C11orf54: variants seen among roughly 807,000 people sequenced by gnomAD.
C11orf54 encodes the protein beta-keto-L-gulonate decarboxylase, also known as beta-keto L-gulonate decarboxylase.
Under a neutral mutation model 35.5 loss-of-function variants are expected in C11orf54, and 29 were observed. The ratio of observed to expected loss-of-function variants is 0.82; its 90% CI spans 0.61 to 1.11. The LOEUF (loss-of-function observed/expected upper bound fraction) is 1.11, where lower values mean the gene tolerates loss of function less well. C11orf54 is among the 50% of genes most tolerant of loss of function. The probability of loss-of-function intolerance (pLI) is 0.00; values close to 1 mark genes in which losing one functional copy is unlikely to be tolerated. For missense variants in C11orf54, 373 were observed against 369.2 expected (o/e 1.01, Z -0.08); for synonymous variants, 108 against 121.1 (o/e 0.89, Z 0.71).
At chr11:93,753,215 G>T (rs1419512974) in intron 3 of C11orf54, among the ~76,000 whole-genome samples, 1 of 152,056 alleles carries the variant, frequency 6.6e-6, no homozygotes. Context: ...GACTTCAGGT[G>T]ATCCACCCGC....
chr11:93,749,779 C>T (rs76541689), intron 2 of C11orf54, among the ~76,000 whole-genome samples: 33 of 152,234 alleles, frequency 2.2e-4, no homozygotes, highest in South Asian at 6.2e-4. Context: ...CTTGAGTGTA[C>T]AGCTTGATGA....
At chr11:93,746,014 A>C (rs1942450038) in intron 1 of C11orf54, 1 of 152,228 alleles carries the variant, frequency 6.6e-6, no homozygotes, top group Non-Finnish European at 1.5e-5. Context: ...ACAGTTATAT[A>C]TATTTGGGAG....
intron 3 of C11orf54, among the ~76,000 whole-genome samples, chr11:93,752,401 A>C (rs1002818244): frequency 6.6e-6 from 1 of 152,130 alleles, no homozygotes; most frequent in Non-Finnish European, 1.5e-5. Flanking sequence ...TGGTCTTGCT[A>C]AGATCACCAG....
At chr11:93,748,622 G>T (rs1324981880) in intron 2 of C11orf54, among the ~76,000 whole-genome samples, 1 of 152,126 alleles carries the variant, frequency 6.6e-6, no homozygotes, top group Non-Finnish European at 1.5e-5. Flanking sequence ...GATCACTTGA[G>T]GTCAGGAGTT....
At chr11:93,754,201 C>G (rs1448358721) in intron 5 of C11orf54, among the ~76,000 whole-genome samples, 164 bp downstream of exon 5, 1 of 152,202 alleles carries the variant, frequency 6.6e-6, no homozygotes, top group Non-Finnish European at 1.5e-5. Flanking sequence ...TCCAACTGGA[C>G]TAACTGTAAT....
rs1565261833 is a variant in C11orf54 at position 93,750,221 on chromosome 11, T to C, written c.56-125T>C. 4 of 659,874 alleles carry C rather than the reference T, an allele frequency of 6.1e-6. No individual in the cohort carries two copies. The African/African-American group carries it at 7.3e-5, about 12-fold the overall frequency. 40.9% of individuals were successfully genotyped at this position (659,874 alleles called of 1,614,324 possible). A position where few individuals can be genotyped will look rare whatever the true frequency, so the allele number is the denominator to read the frequency against. On this transcript the variant is annotated intron_variant, in intron 2 of 8. Coordinates refer to ENST00000354421, the MANE Select transcript of C11orf54 (RefSeq NM_001286069.2). ...TAATTATATTCATTAATAAGACCATTTCCCCCTTCTTTTTTATTATACAAG... is the reference window on the plus strand; with the variant it reads ...TAATTATATTCATTAATAAGACCATCTCCCCCTTCTTTTTTATTATACAAG...
Position 93,761,572 on chromosome 11 carries a change from C to T in C11orf54, c.832C>T (p.His278Tyr), listed in dbSNP as rs1438338211. 3 of 1,612,084 alleles carry T rather than the reference C, an allele frequency of 1.9e-6. No individual in the cohort carries two copies. The highest frequency in any genetic ancestry group is 1.7e-5 in the Admixed American group (1 of 59,650). The change falls in exon 9 of 9, where the codon CAC (histidine) becomes TAC (tyrosine). Residue 278 changes from histidine (H) to tyrosine (Y), a missense_variant. Coordinates refer to ENST00000354421, the MANE Select transcript of C11orf54 (RefSeq NM_001286069.2). ...HFFSRHGEGG[H>Y]YHYDTTPDIV... is the part of the protein sequence containing the mutation. ...TTTTAGTCGTCATGGAGAAGGTGGA[C>T]ACTACCATTATGACACTACTCCAGA...
Position 93,763,162 on chromosome 11 carries a change from C to T in C11orf54, c.*1474C>T, listed in dbSNP as rs893327202. The T allele has an allele frequency of 3.3e-5, 5 of 152,032 alleles. No individual in the cohort carries two copies. The highest frequency in any genetic ancestry group is 3.2e-3 in the Middle Eastern group (1 of 316). 9.4% of individuals were successfully genotyped at this position (152,032 alleles called of 1,614,324 possible). On this transcript the variant is annotated 3_prime_UTR_variant, in exon 9 of 9. Coordinates refer to ENST00000354421, the MANE Select transcript of C11orf54 (RefSeq NM_001286069.2). ...TAACAAATATGTATTGAACACCTAC[C>T]CTTCTCTCTGGAGTGTACACTTCAT...
Position 93,762,344 on chromosome 11 carries a change from T to C in C11orf54, c.*656T>C, listed in dbSNP as rs1290942790. The stretch of plus-strand genomic sequence containing the variant: ...AGTGTTTAGAAATGTTGATAGTTAT[T>C]GAATCTTTGAATTGAATTTTAAAAA... On this transcript the variant is annotated 3_prime_UTR_variant, in exon 9 of 9. Coordinates refer to ENST00000354421, the MANE Select transcript of C11orf54 (RefSeq NM_001286069.2). 6.6e-6 allele frequency: 1 copy of C among 152,254 alleles called. No homozygotes were observed. Among genetic ancestry groups the C allele is most frequent in the Non-Finnish European group, 1.5e-5 (1 of 68,048 alleles). 9.4% of individuals were successfully genotyped at this position (152,254 alleles called of 1,614,324 possible).
intron 2 of C11orf54, among the ~76,000 whole-genome samples, chr11:93,748,941 C>A (rs1248240358): frequency 2.0e-5 from 3 of 151,130 alleles, no homozygotes; most frequent in Non-Finnish European, 4.4e-5. Context: ...GTCAGGAGTT[C>A]AAGACCAGCC....
rs376660313 is a variant in C11orf54 at position 93,764,624 on chromosome 11, T to G, written c.*2936T>G. ...TTTTAAATTTTTTCTTAGTTTTCTT[T>G]CTTTATAGAGACAGAGTTTCGCCGT... On this transcript the variant is annotated 3_prime_UTR_variant, in exon 9 of 9. Transcript: ENST00000354421. 5.3e-5 allele frequency: 8 copies of G among 152,300 alleles called. No individual in the cohort carries two copies. In the East Asian group the frequency reaches 1.4e-3, roughly 26 times the overall value. 9.4% of individuals were successfully genotyped at this position (152,300 alleles called of 1,614,324 possible).
intron 1 of C11orf54, among the ~76,000 whole-genome samples, chr11:93,743,052 G>A (rs1385824440): frequency 6.6e-6 from 1 of 151,286 alleles, no homozygotes; most frequent in Non-Finnish European, 1.5e-5. Flanking sequence ...AGGCTGGAGT[G>A]CAGTGTGGCC....
chr11:93,753,844 T>C, intron 4 of C11orf54, 89 bp downstream of exon 4: 1 of 1,532,844 alleles, frequency 6.5e-7, no homozygotes, highest in Non-Finnish European at 9.0e-7. Context: ...GTTGATCAGT[T>C]GGCAAGGAAG....
At chr11:93,750,021 T>C (rs1942728429) in intron 2 of C11orf54, among the ~76,000 whole-genome samples, 1 of 152,212 alleles carries the variant, frequency 6.6e-6, no homozygotes, top group South Asian at 2.1e-4. Context: ...GCTTACTTTT[T>C]AAAAAGTTTA....
chr11:93,756,374 T>G (rs1284951392), intron 6 of C11orf54, among the ~76,000 whole-genome samples: 4 of 150,608 alleles, frequency 2.7e-5, no homozygotes, highest in African/African-American at 9.8e-5. Flanking sequence ...ATGCCTATAG[T>G]CCTAGCTACT....
At chr11:93,750,690 A>G (rs1303325126) in intron 3 of C11orf54, among the ~76,000 whole-genome samples, 2 of 152,222 alleles carry the variant, frequency 1.3e-5, no homozygotes, top group South Asian at 2.1e-4. Context: ...TAGATATCCA[A>G]TAGGTTAGAA....
At position 93,759,725 on chromosome 11, in the gene C11orf54, AT is replaced by A; in HGVS notation, c.658-15del. 7.0e-7 allele frequency: 1 copy of A among 1,424,144 alleles called. No homozygotes were observed. The highest frequency in any genetic ancestry group is 9.8e-7 in the Non-Finnish European group (1 of 1,024,164). 88.2% of individuals were successfully genotyped at this position (1,424,144 alleles called of 1,614,324 possible). A position where few individuals can be genotyped will look rare whatever the true frequency, so the allele number is the denominator to read the frequency against. On this transcript the variant is annotated splice_polypyrimidine_tract_variant and intron_variant, in intron 7 of 8. Transcript: ENST00000354421. ...AATATTCAGTATGTTTACCTATGTA[AT>A]TATCTTTTGTTGTAGCCTGCAGAAT... is the stretch of plus-strand genomic sequence containing the variant.
At chr11:93,753,860 A>G in intron 4 of C11orf54, 76 bp from the exon 5 acceptor site, 5 of 1,536,464 alleles carry the variant, frequency 3.3e-6, no homozygotes, top group Non-Finnish European at 4.5e-6. Flanking sequence ...GGAAGTGCTA[A>G]TGGATCAGTA....
intron 1 of C11orf54, among the ~76,000 whole-genome samples, chr11:93,742,487 G>GT (rs1158518560): frequency 1.3e-5 from 2 of 152,056 alleles, no homozygotes; most frequent in Non-Finnish European, 2.9e-5. Context: ...GTTTCTCCAT[G>GT]TTGGTCAGGC....
Sources: allele counts gnomAD v4.1 joint callset (sites outside exome capture counted in the v4.1 genomes callset), GRCh38; gene constraint gnomAD v4.1.1; transcripts MANE v1.5; gene names NCBI Gene and HGNC (gene_info 2026-07-23, HGNC 2026-07-21).